TMEM268: variants seen among roughly 807,000 people sequenced by gnomAD.
TMEM268 encodes the protein transmembrane protein C9orf91.
Under a neutral mutation model 39.1 loss-of-function variants are expected in TMEM268, and 24 were observed. The observed-to-expected ratio is 0.61, with a 90% CI of 0.44 to 0.86. The LOEUF (loss-of-function observed/expected upper bound fraction) is 0.86, where lower values mean the gene tolerates loss of function less well. Among genes scored for constraint, TMEM268 ranks in the 40% least tolerant of loss-of-function variants. The pLI is 0.00. For missense variants in TMEM268, 409 were observed against 428.6 expected (o/e 0.95, Z 0.40); for synonymous variants, 176 against 173.5 (o/e 1.01, Z -0.12).
At chr9:114,613,103 T>G (rs960465622) in intron 1 of TMEM268, among the ~76,000 whole-genome samples, 10 of 152,202 alleles carry the variant, frequency 6.6e-5, no homozygotes, top group Non-Finnish European at 1.3e-4. Flanking sequence ...GAGAAGTAAC[T>G]TACTCAAGGT....
At chr9:114,633,162 ATTTT>A (rs566595273) in intron 5 of TMEM268, among the ~76,000 whole-genome samples, 1 of 138,836 alleles carries the variant, frequency 7.2e-6, no homozygotes, top group Non-Finnish European at 1.6e-5. Context: ...TGCCTAGTTA[ATTTT>A]TTTTTTTTTT....
intron 2 of TMEM268, chr9:114,622,513 T>C (rs925667775): frequency 3.8e-5 from 37 of 985,030 alleles, no homozygotes; most frequent in Non-Finnish European, 4.2e-5. Flanking sequence ...AGGTTTGGCT[T>C]TGTGCTGCTG....
Position 114,617,356 on chromosome 9 carries a change from C to T in TMEM268, c.106+55C>T, listed in dbSNP as rs1845768728. The T allele has an allele frequency of 2.2e-5, 30 of 1,357,572 alleles. No individual in the cohort carries two copies. The South Asian group carries it at 3.4e-4, about 15-fold the overall frequency. The allele number at this position is 1,357,572 out of a possible 1,614,324, so 84.1% of individuals were successfully genotyped here. On this transcript the variant is annotated intron_variant, in intron 2 of 8. Coordinates refer to ENST00000288502, the MANE Select transcript of TMEM268 (RefSeq NM_153045.4). ...TCTTTCTACCTCATGCTGAACTGGA[C>T]TCACAGGGCACAGAAGTTCCTTTAG... is the stretch of plus-strand genomic sequence containing the variant.
upstream of TMEM268, among the ~76,000 whole-genome samples, chr9:114,607,944 T>C (rs2133570471): frequency 6.6e-6 from 1 of 151,836 alleles, no homozygotes; most frequent in South Asian, 2.1e-4. Context: ...TTTTGGAGCA[T>C]AGGGTTTTTA....
intron 8 of TMEM268, among the ~76,000 whole-genome samples, chr9:114,639,047 C>A (rs906316625): frequency 1.3e-5 from 2 of 152,078 alleles, no homozygotes; most frequent in East Asian, 3.9e-4. Flanking sequence ...TACTGATGAA[C>A]ATTTGGGTCT....
intron 1 of TMEM268, among the ~76,000 whole-genome samples, chr9:114,613,629 C>A (rs4979444): frequency 0.48 from 72,856 of 152,044 alleles, 17,592 homozygotes; most frequent in Admixed American, 0.53. Flanking sequence ...GAGTCTCCTG[C>A]TGTGGGCCAG....
At chr9:114,628,292 G>A in intron 5 of TMEM268, 42 bp downstream of exon 5, 4 of 1,589,924 alleles carry the variant, frequency 2.5e-6, no homozygotes, top group Non-Finnish European at 3.4e-6. Flanking sequence ...CTCCAGAAGA[G>A]CGGTGCAGGC....
intron 1 of TMEM268, among the ~76,000 whole-genome samples, chr9:114,615,176 C>T (rs1280502276): frequency 5.6e-4 from 85 of 152,098 alleles, no homozygotes; most frequent in African/African-American, 1.9e-4. Flanking sequence ...GGATTACAGG[C>T]GTGAGCCACC....
At chr9:114,610,873 T>C (rs1332098382), upstream of TMEM268, among the ~76,000 whole-genome samples, 2 of 152,216 alleles carry the variant, frequency 1.3e-5, no homozygotes, top group Non-Finnish European at 2.9e-5. Flanking sequence ...CACAGCCTAG[T>C]CTGACCCCAA....
chr9:114,635,503 ACT>A (rs1308907757), intron 6 of TMEM268, among the ~76,000 whole-genome samples: 4 of 151,752 alleles, frequency 2.6e-5, no homozygotes, highest in African/African-American at 9.7e-5. Context: ...AACATGGCAA[ACT>A]CTGTTTCTAC....
At chr9:114,628,698 A>G (rs1202492472) in intron 5 of TMEM268, among the ~76,000 whole-genome samples, 1 of 152,070 alleles carries the variant, frequency 6.6e-6, no homozygotes, top group Non-Finnish European at 1.5e-5. Context: ...CTGGTGCTCT[A>G]TTGACAGTCA....
chr9:114,641,807 T>C (rs1827360770), intron 8 of TMEM268, among the ~76,000 whole-genome samples: 1 of 152,104 alleles, frequency 6.6e-6, no homozygotes, highest in African/African-American at 2.4e-5. Flanking sequence ...GGCTAAATTT[T>C]TTTTGTGTTT....
Position 114,637,044 on chromosome 9 carries a change from G to A in TMEM268, c.640G>A (p.Val214Ile). The A allele has an allele frequency of 6.2e-7, 1 of 1,612,640 alleles. No homozygotes were observed. Among genetic ancestry groups the A allele is most frequent in the Non-Finnish European group, 8.5e-7 (1 of 1,178,770 alleles). Residue 214 changes from valine (V) to isoleucine (I), a missense_variant, in exon 7 of 9, where the codon GTT becomes ATT. By Grantham distance (29) the Val-to-Ile change is conservative (BLOSUM62 3). Transcript: ENST00000288502. ...CTGTGTGCAGTTTTTGTCTGATCAT[G>A]TTCAAGAAATGAAGACTAGCCAAGA... ...ENCVQFLSDHVQEMKTSQESL... is the reference protein window; with the variant it reads ...ENCVQFLSDHIQEMKTSQESL...
At chr9:114,612,671 T>C (rs1845550639) in intron 1 of TMEM268, among the ~76,000 whole-genome samples, 1 of 152,206 alleles carries the variant, frequency 6.6e-6, no homozygotes, top group Admixed American at 6.5e-5. Context: ...CACTGGCCTC[T>C]CTTGGCTCTC....
chr9:114,613,231 A>G (rs1306223711), intron 1 of TMEM268, among the ~76,000 whole-genome samples: 1 of 152,198 alleles, frequency 6.6e-6, no homozygotes, highest in Non-Finnish European at 1.5e-5. Context: ...TGATGGGGCC[A>G]AGTAGAGTGC....
chr9:114,638,837 A>G, intron 8 of TMEM268, 111 bp downstream of exon 8: 2 of 719,724 alleles, frequency 2.8e-6, no homozygotes, highest in Non-Finnish European at 4.1e-6. Context: ...CTCAGTTAGT[A>G]GACACCACAC....
intron 3 of TMEM268, 54 bp from the exon 4 acceptor site, chr9:114,626,845 C>T: frequency 7.3e-7 from 1 of 1,365,550 alleles, no homozygotes; most frequent in Non-Finnish European, 1.0e-6. Flanking sequence ...GTCACATGCA[C>T]TGGAAACTGG....
At chr9:114,633,992 G>C (rs1468476726) in intron 6 of TMEM268, 114 bp downstream of exon 6, 1 of 541,164 alleles carries the variant, frequency 1.8e-6, no homozygotes, top group Non-Finnish European at 3.2e-6. Flanking sequence ...GTCTGCTAAT[G>C]AGATGGCTGT....
In TMEM268 at chr9:114,624,389, A is replaced by G. The variant is rs759968324; in HGVS notation, c.146A>G (p.Asp49Gly). The change falls in exon 3 of 9, where the codon GAC (aspartate) becomes GGC (glycine). Residue 49 changes from aspartate (D) to glycine (G), a missense_variant. Physicochemically the swap from Asp to Gly is moderately conservative, Grantham distance 94. Transcript: ENST00000288502. ...CAGGTCCTCACTGTTCTCCGGATTG[A>G]CAATACCTGTGCACCCATCTCCTTC... ...NGQVLTVLRI[D>G]NTCAPISFDL... The G allele has an allele frequency of 6.2e-6, 10 of 1,604,462 alleles. No individual in the cohort carries two copies. In the Admixed American group the frequency reaches 6.8e-5, roughly 11 times the overall value.
Sources: allele counts gnomAD v4.1 joint callset (sites outside exome capture counted in the v4.1 genomes callset), GRCh38; gene constraint gnomAD v4.1.1; transcripts MANE v1.5; gene names NCBI Gene and HGNC (gene_info 2026-07-23, HGNC 2026-07-21).